The following PACRG variants were observed in gnomAD, a reference collection of about 807,000 sequenced individuals.
PACRG encodes the protein parkin coregulated gene protein.
In PACRG, 29 loss-of-function variants were observed where a neutral mutation model predicts 29.7. That is an observed-to-expected ratio of 0.98 (90% CI 0.73 to 1.33). The LOEUF (loss-of-function observed/expected upper bound fraction) is 1.33, where lower values mean the gene tolerates loss of function less well. Among genes scored for constraint, PACRG ranks in the 40% most tolerant of loss-of-function variants. The pLI, the probability that PACRG is intolerant of heterozygous loss-of-function variation, is 0.00. For missense variants in PACRG, 279 were observed against 316.2 expected (o/e 0.88, Z 0.89); for synonymous variants, 116 against 118.7 (o/e 0.98, Z 0.15).
At chr6:162,978,535 T>C (rs1265353401) in intron 2 of PACRG, among the ~76,000 whole-genome samples, 1 of 152,098 alleles carries the variant, frequency 6.6e-6, no homozygotes, top group Non-Finnish European at 1.5e-5. Context: ...AGGATTAAAA[T>C]GTATGAACAA....
intron 2 of PACRG, among the ~76,000 whole-genome samples, chr6:162,870,281 T>C (rs2127992897): frequency 6.6e-6 from 1 of 152,354 alleles, no homozygotes; most frequent in African/African-American, 2.4e-5. Context: ...TCTACTAGTA[T>C]TATTCTTTGT....
At chr6:163,110,914 T>G (rs186940452) in intron 4 of PACRG, among the ~76,000 whole-genome samples, 83 of 152,352 alleles carry the variant, frequency 5.4e-4, no homozygotes, top group African/African-American at 1.9e-3. Context: ...GTGTGTTTCT[T>G]CATCTAGCAA....
intron 4 of PACRG, among the ~76,000 whole-genome samples, chr6:163,313,047 T>C (rs895082317): frequency 2.0e-5 from 3 of 152,004 alleles, no homozygotes; most frequent in Non-Finnish European, 4.4e-5. Flanking sequence ...TGAGTCACTG[T>C]ATCCAGCATC....
intron 2 of PACRG, chr6:162,957,454 T>G: frequency 2.0e-6 from 1 of 489,630 alleles, no homozygotes; most frequent in Admixed American, 2.3e-5. Flanking sequence ...ACATGCAGAG[T>G]TTTGGTGTTT....
chr6:163,000,968 C>T (rs1423896773), intron 2 of PACRG, among the ~76,000 whole-genome samples: 1 of 152,170 alleles, frequency 6.6e-6, no homozygotes, highest in African/African-American at 2.4e-5. Flanking sequence ...GCAAAAACCT[C>T]CTGAGAAGCT....
chr6:163,014,254 C>T (rs6925374), intron 2 of PACRG, among the ~76,000 whole-genome samples: 4,729 of 152,180 alleles, frequency 0.031, 168 homozygotes, highest in African/African-American at 0.083. Context: ...TCCAATTCAC[C>T]ACTGATGGGC....
At chr6:163,143,638 T>C (rs1200260228) in intron 4 of PACRG, among the ~76,000 whole-genome samples, 1 of 152,198 alleles carries the variant, frequency 6.6e-6, no homozygotes, top group African/African-American at 2.4e-5. Flanking sequence ...AGTTGTTAAA[T>C]CACAATAATA....
intron 4 of PACRG, among the ~76,000 whole-genome samples, chr6:163,220,955 A>G (rs1413120011): frequency 6.6e-6 from 1 of 152,234 alleles, no homozygotes; most frequent in Non-Finnish European, 1.5e-5. Context: ...GCTCTGCATC[A>G]CTTTGCTGTC....
chr6:162,730,386 C>G lies in PACRG; in HGVS notation c.156+1995C>G, dbSNP rs1779669462. Among the ~76,000 whole-genome samples the G allele has an allele frequency of 2.0e-5, 3 of 152,048 alleles. No homozygotes were observed. In the South Asian group the frequency reaches 6.2e-4, roughly 31 times the overall value. On this transcript the variant is annotated intron_variant, in intron 1 of 4. Coordinates refer to ENST00000366888, the MANE Select transcript of PACRG (RefSeq NM_001080379.2). Reference sequence around the variant, plus strand: ...TCAGGACGTGTATGCCAATTTCCAGCTTTTCTTAATTGCAACCTCATGCTC... The same window carrying G: ...TCAGGACGTGTATGCCAATTTCCAGGTTTTCTTAATTGCAACCTCATGCTC...
intron 4 of PACRG, among the ~76,000 whole-genome samples, chr6:163,232,586 C>G (rs1219378044): frequency 6.6e-6 from 1 of 152,076 alleles, no homozygotes; most frequent in African/African-American, 2.4e-5. Context: ...GCTCTGTGGT[C>G]CTGGCCTTGT....
intron 2 of PACRG, among the ~76,000 whole-genome samples, chr6:162,854,808 C>A (rs1366821350): frequency 1.3e-5 from 2 of 152,190 alleles, no homozygotes; most frequent in Non-Finnish European, 2.9e-5. Flanking sequence ...GTGTGAAAAG[C>A]CCCACTTCGC....
intron 2 of PACRG, among the ~76,000 whole-genome samples, chr6:162,854,359 A>G (rs910809947): frequency 2.6e-5 from 4 of 152,184 alleles, no homozygotes; most frequent in Admixed American, 6.5e-5. Context: ...TTCTACCTGC[A>G]TAGTTCCACA....
intron 1 of PACRG, among the ~76,000 whole-genome samples, chr6:162,767,340 T>A (rs1782878546): frequency 6.6e-6 from 1 of 151,966 alleles, no homozygotes; most frequent in Admixed American, 6.6e-5. Context: ...TTACATAAAG[T>A]TCAGAATCAT....
chr6:163,036,561 C>T (rs1420371495), intron 2 of PACRG, among the ~76,000 whole-genome samples: 1 of 152,174 alleles, frequency 6.6e-6, no homozygotes, highest in African/African-American at 2.4e-5. Context: ...GTGGGCAATT[C>T]AATCACCTCC....
chr6:163,150,632 A>G (rs1270628965), intron 4 of PACRG, among the ~76,000 whole-genome samples: 1 of 152,210 alleles, frequency 6.6e-6, no homozygotes, highest in African/African-American at 2.4e-5. Context: ...AAGAACAGGA[A>G]AACCCGTGGA....
intron 2 of PACRG, among the ~76,000 whole-genome samples, chr6:162,877,571 A>G (rs1030180649): frequency 2.6e-5 from 4 of 151,866 alleles, no homozygotes; most frequent in Non-Finnish European, 1.5e-5. Flanking sequence ...GTATCCCAGA[A>G]CTTAAAATAT....
intron 4 of PACRG, among the ~76,000 whole-genome samples, chr6:163,261,516 C>G (rs1320901049): frequency 6.6e-6 from 1 of 152,126 alleles, no homozygotes; most frequent in Admixed American, 6.5e-5. Flanking sequence ...CAATTTGGTC[C>G]AAAGAAAGTT....
At chr6:162,916,852 A>G (rs1467221520) in intron 2 of PACRG, among the ~76,000 whole-genome samples, 1 of 151,900 alleles carries the variant, frequency 6.6e-6, no homozygotes, top group East Asian at 1.9e-4. Context: ...GAGCTGGCCC[A>G]GTGTCCTGTG....
intron 2 of PACRG, among the ~76,000 whole-genome samples, chr6:163,047,781 A>C (rs906433723): frequency 3.9e-5 from 6 of 152,158 alleles, no homozygotes; most frequent in African/African-American, 1.4e-4. Flanking sequence ...CAGAATCATC[A>C]CCCATCTAAG....
Sources: allele counts gnomAD v4.1 joint callset (sites outside exome capture counted in the v4.1 genomes callset), GRCh38; gene constraint gnomAD v4.1.1; transcripts MANE v1.5; gene names NCBI Gene and HGNC (gene_info 2026-07-23, HGNC 2026-07-21).